Variants in TRHDE observed in about 807,000 individuals in gnomAD.
TRHDE encodes the protein thyrotropin-releasing hormone-degrading ectoenzyme.
Under a neutral mutation model 125.7 loss-of-function variants are expected in TRHDE, and 72 were observed. The ratio of observed to expected loss-of-function variants is 0.57; its 90% confidence interval spans 0.47 to 0.70. TRHDE has a LOEUF of 0.70. TRHDE is among the 30% of genes least tolerant of loss of function. The probability of loss-of-function intolerance (pLI) is 0.00; values close to 1 mark genes in which losing one functional copy is unlikely to be tolerated. For missense variants in TRHDE, 1,110 were observed against 1,327.1 expected (o/e 0.84, Z 2.54); for synonymous variants, 509 against 509.1 (o/e 1.00, Z 0.00).
intron 6 of TRHDE, among the ~76,000 whole-genome samples, chr12:72,505,711 A>T (rs1028672784): frequency 4.6e-5 from 7 of 152,200 alleles, no homozygotes; most frequent in African/African-American, 1.4e-4. Flanking sequence ...TAAATTTTTT[A>T]AAAAGTGATT....
intron 3 of TRHDE, among the ~76,000 whole-genome samples, chr12:72,411,990 A>G (rs11179190): frequency 0.11 from 16,285 of 152,184 alleles, 1,357 homozygotes; most frequent in East Asian, 0.48. Context: ...ATGCAGATTA[A>G]AGACTGAAAT....
intron 12 of TRHDE, among the ~76,000 whole-genome samples, chr12:72,603,696 G>A (rs1872305176): frequency 6.6e-6 from 1 of 152,096 alleles, no homozygotes; most frequent in South Asian, 2.1e-4. Context: ...CTGCACTCCA[G>A]CCTGGGCGAC....
chr12:72,317,351 A>G (rs1461304956), intron 2 of TRHDE, among the ~76,000 whole-genome samples: 2 of 152,190 alleles, frequency 1.3e-5, no homozygotes, highest in African/African-American at 4.8e-5. Context: ...AAATTGTAAT[A>G]CAGATGTCTT....
Position 72,175,761 on chromosome 12 carries a change from C to G in TRHDE, n.279+70009C>G, listed in dbSNP as rs984045480. Among the ~76,000 whole-genome samples, 8 of 152,310 alleles carry G rather than the reference C, an allele frequency of 5.3e-5. No individual in the cohort carries two copies. The East Asian group carries it at 1.4e-3, about 26-fold the overall frequency. Reference sequence around the variant, plus strand: ...CAAATATTACTAAGGTAAACAAGATCATGAGTGTGAATTATGAAGATAAGC... The same window carrying G: ...CAAATATTACTAAGGTAAACAAGATGATGAGTGTGAATTATGAAGATAAGC... On this transcript the variant is annotated intron_variant and non_coding_transcript_variant, in intron 2 of 4. Coordinates refer to the TRHDE transcript ENST00000548156.
chr12:72,206,153 C>T (rs1592483277), intron 2 of TRHDE, among the ~76,000 whole-genome samples: 2 of 146,552 alleles, frequency 1.4e-5, no homozygotes, highest in African/African-American at 5.1e-5. Flanking sequence ...ATGGTGCTAT[C>T]TGGGCTCACT....
intron 3 of TRHDE, among the ~76,000 whole-genome samples, chr12:72,399,668 T>TAA (rs1413956861): frequency 6.6e-6 from 1 of 152,292 alleles, no homozygotes; most frequent in Admixed American, 6.5e-5. Flanking sequence ...TATTGAGACA[T>TAA]ATAAGCTCAA....
chr12:72,396,269 A>G (rs754887562), intron 3 of TRHDE, among the ~76,000 whole-genome samples: 2 of 152,164 alleles, frequency 1.3e-5, no homozygotes, highest in Non-Finnish European at 2.9e-5. Context: ...TGTTAATAGC[A>G]TATTCTTCAG....
chr12:72,542,251 T>C, intron 6 of TRHDE, 40 bp from the exon 7 acceptor site: 1 of 1,473,090 alleles, frequency 6.8e-7, no homozygotes, highest in Non-Finnish European at 9.3e-7. Context: ...ATCATGATAC[T>C]TTGTTGAAAT....
intron 2 of TRHDE, among the ~76,000 whole-genome samples, chr12:72,366,177 C>T (rs1370714140): frequency 6.6e-6 from 1 of 152,052 alleles, no homozygotes; most frequent in African/African-American, 2.4e-5. Context: ...ATCACACCTG[C>T]AAAGTTCTTT....
intron 18 of TRHDE, among the ~76,000 whole-genome samples, chr12:72,662,557 C>T (rs1017018553): frequency 1.3e-5 from 2 of 152,022 alleles, no homozygotes; most frequent in African/African-American, 4.8e-5. Flanking sequence ...TATTCAATGA[C>T]ATCAAAGATA....
chr12:72,286,671 T>C lies in TRHDE; in HGVS notation c.915-10T>C. 6.2e-7 allele frequency: 1 copy of C among 1,610,014 alleles called. No individual in the cohort carries two copies. Among genetic ancestry groups the C allele is most frequent in the Non-Finnish European group, 8.5e-7 (1 of 1,177,818 alleles). On this transcript the variant is annotated splice_polypyrimidine_tract_variant and intron_variant, in intron 1 of 18. Transcript: ENST00000261180. ...AAATGTAATTGAGAATGTCATTTTC[T>C]TTTTTCCAGATTCCTTGGTGTTACT...
intron 12 of TRHDE, among the ~76,000 whole-genome samples, chr12:72,601,948 G>A (rs913286909): frequency 2.6e-5 from 4 of 152,070 alleles, no homozygotes; most frequent in African/African-American, 9.7e-5. Flanking sequence ...AAATTTTGAG[G>A]TAATTGGGTA....
chr12:72,170,738 C>T (rs749931615), intron 2 of TRHDE, among the ~76,000 whole-genome samples: 79 of 152,080 alleles, frequency 5.2e-4, no homozygotes, highest in Non-Finnish European at 1.0e-3. Context: ...AATAACTAAT[C>T]TTGTGTGCAT....
At chr12:72,496,155 A>T (rs890616772) in intron 5 of TRHDE, among the ~76,000 whole-genome samples, 1 of 152,234 alleles carries the variant, frequency 6.6e-6, no homozygotes, top group African/African-American at 2.4e-5. Context: ...CAAACATTTC[A>T]ACACGCATGT....
At chr12:72,425,927 C>CAT (rs34128280) in intron 3 of TRHDE, among the ~76,000 whole-genome samples, 17,013 of 151,214 alleles carry the variant, frequency 0.11, 1,440 homozygotes, top group East Asian at 0.47. Flanking sequence ...TGCCAAAACT[C>CAT]ATATATATAT....
chr12:72,546,124 T>C (rs897347308), intron 7 of TRHDE, among the ~76,000 whole-genome samples: 2 of 151,642 alleles, frequency 1.3e-5, no homozygotes, highest in Non-Finnish European at 3.0e-5. Flanking sequence ...TCCTACACTT[T>C]CCTTGTCAAT....
At chr12:72,210,456 A>C (rs1877757941) in intron 2 of TRHDE, among the ~76,000 whole-genome samples, 1 of 152,180 alleles carries the variant, frequency 6.6e-6, no homozygotes, top group African/African-American at 2.4e-5. Flanking sequence ...AAAACTAATA[A>C]AGGACAGAAA....
intron 7 of TRHDE, among the ~76,000 whole-genome samples, chr12:72,546,621 A>G (rs999646642): frequency 6.6e-6 from 1 of 151,562 alleles, no homozygotes; most frequent in African/African-American, 2.4e-5. Context: ...AGGGTCTACA[A>G]TCACTTCTGG....
intron 1 of TRHDE, among the ~76,000 whole-genome samples, chr12:72,278,917 G>A (rs973143302): frequency 9.2e-5 from 14 of 152,142 alleles, no homozygotes; most frequent in African/African-American, 3.4e-4. Flanking sequence ...ACTGTTTATT[G>A]TCTTTGCTGT....
Sources: gnomAD v4.1 joint callset for allele counts (sites outside exome capture counted in the v4.1 genomes callset) on GRCh38, gnomAD v4.1.1 for gene constraint, MANE v1.5 for transcripts, NCBI Gene and HGNC (gene_info 2026-07-23, HGNC 2026-07-21) for gene names.